MIB1: variants seen among roughly 807,000 people sequenced by gnomAD.
MIB1 encodes the protein E3 ubiquitin-protein ligase MIB1.
Under a neutral mutation model 124.5 loss-of-function variants are expected in MIB1, and 278 were observed. The ratio of observed to expected loss-of-function variants is 2.23; its 90% CI spans 2.02 to 2.47. The LOEUF (loss-of-function observed/expected upper bound fraction) is 2.47. Among genes scored for constraint, MIB1 ranks in the 30% most tolerant of loss-of-function variants. MIB1 has a pLI of 0.00. For synonymous variants in MIB1, 446 were observed against 429.4 expected, an observed-to-expected ratio of 1.04 and a Z score of -0.48; for missense variants, 957 against 1,254.4, an observed-to-expected ratio of 0.76 and a Z score of 3.58.
At chr18:21,859,886 CAAAAAA>C (rs934260189) in intron 20 of MIB1, among the ~76,000 whole-genome samples, 4,588 of 27,670 alleles carry the variant, frequency 0.17, 42 homozygotes, top group Middle Eastern at 0.39. Context: ...GAGACTGTCT[CAAAAAA>C]AAAAAAAAAA....
At chr18:21,725,354 G>A (rs1464964251) in intron 1 of MIB1, among the ~76,000 whole-genome samples, 2 of 152,120 alleles carry the variant, frequency 1.3e-5, no homozygotes, top group Non-Finnish European at 2.9e-5. Flanking sequence ...ATGTGAGACC[G>A]CCTGTGGAGT....
chr18:21,795,297 A>T (rs1413687855), intron 7 of MIB1, among the ~76,000 whole-genome samples: 1 of 132,220 alleles, frequency 7.6e-6, no homozygotes, highest in African/African-American at 3.4e-5. Context: ...GTATATATAT[A>T]ATATATAAAT....
At chr18:21,711,186 A>T (rs1345313668) in intron 1 of MIB1, among the ~76,000 whole-genome samples, 1 of 152,238 alleles carries the variant, frequency 6.6e-6, no homozygotes, top group Non-Finnish European at 1.5e-5. Flanking sequence ...TTATTAAATG[A>T]TAGAGAATAC....
At chr18:21,707,600 C>G (rs1049929789) in intron 1 of MIB1, among the ~76,000 whole-genome samples, 2 of 152,142 alleles carry the variant, frequency 1.3e-5, no homozygotes, top group African/African-American at 4.8e-5. Context: ...CACGAACCCA[C>G]CAGAAGGAAG....
chr18:21,730,564 T>C (rs2040764328), intron 1 of MIB1, among the ~76,000 whole-genome samples: 1 of 151,738 alleles, frequency 6.6e-6, no homozygotes, highest in Admixed American at 6.6e-5. Context: ...TAAGACTCTG[T>C]CTAAAAAAAA....
intron 13 of MIB1, among the ~76,000 whole-genome samples, chr18:21,842,091 CAAAAAAAA>C (rs376834305): frequency 1.7e-4 from 6 of 35,680 alleles, no homozygotes; most frequent in African/African-American, 8.7e-4. Context: ...GACCCTATCT[CAAAAAAAA>C]AAAAAAAAAA....
At chr18:21,835,904 T>C (rs542371362) in intron 12 of MIB1, among the ~76,000 whole-genome samples, 2 of 151,276 alleles carry the variant, frequency 1.3e-5, no homozygotes, top group African/African-American at 4.9e-5. Context: ...TGTTTGAGTA[T>C]ACATCTATAA....
intron 13 of MIB1, 104 bp downstream of exon 13, chr18:21,838,601 G>C (rs1477757497): frequency 2.3e-6 from 2 of 872,392 alleles, no homozygotes; most frequent in Non-Finnish European, 3.4e-6. Flanking sequence ...CTATTAGTAG[G>C]TTCCAGTAAA....
intron 8 of MIB1, among the ~76,000 whole-genome samples, chr18:21,798,750 G>A (rs2041615236): frequency 6.6e-6 from 1 of 152,062 alleles, no homozygotes; most frequent in Non-Finnish European, 1.5e-5. Context: ...GGATGCTTGA[G>A]TTGACTCTTT....
In MIB1 at chr18:21,741,718, C is replaced by T. The variant is rs780183297; in HGVS notation, c.135C>T (p.Pro45=). 2 of 1,611,546 alleles carry T rather than the reference C, an allele frequency of 1.2e-6. No individual in the cohort carries two copies. The highest frequency in any genetic ancestry group is 1.1e-5 in the South Asian group (1 of 90,716). The stretch of plus-strand genomic sequence containing the variant: ...GCACCGTCCGGAGCTTCGAGAGCCC[C>T]GAGGAGGTGGTGGTAGTGTGGGACA... The part of the protein sequence containing the change: ...HVGTVRSFES[P]EEVVVVWDNG... The change falls in exon 1 of 21, where the codon CCC becomes CCT. Residue 45 remains proline (P), a synonymous_variant. Coordinates refer to ENST00000261537, the MANE Select transcript of MIB1 (RefSeq NM_020774.4). The surrounding 1 kb of genome is among the most constrained non-coding windows in gnomAD (Gnocchi z 5.4).
chr18:21,803,290 G>A (rs1377727348), intron 9 of MIB1, among the ~76,000 whole-genome samples: 17 of 152,178 alleles, frequency 1.1e-4, no homozygotes, highest in Non-Finnish European at 7.3e-5. Flanking sequence ...TGGATGGGAT[G>A]TAAAAGGGGT....
chr18:21,766,936 A>G (rs1408118374), intron 2 of MIB1, among the ~76,000 whole-genome samples: 1 of 152,158 alleles, frequency 6.6e-6, no homozygotes, highest in Non-Finnish European at 1.5e-5. Flanking sequence ...AAACAAAACA[A>G]AAATCTCCAA....
chr18:21,706,714 G>A (rs1181779371), intron 1 of MIB1, among the ~76,000 whole-genome samples: 2 of 152,268 alleles, frequency 1.3e-5, no homozygotes, highest in African/African-American at 2.4e-5. Context: ...GCCCGCCAGC[G>A]CTGCACTGGA....
intron 1 of MIB1, among the ~76,000 whole-genome samples, chr18:21,728,690 A>T (rs890575798): frequency 2.0e-5 from 3 of 152,148 alleles, no homozygotes; most frequent in Non-Finnish European, 2.9e-5. Flanking sequence ...TAATAATTGT[A>T]CATATTTTGG....
intron 1 of MIB1, among the ~76,000 whole-genome samples, chr18:21,729,266 ATAGTCTGTTCG>A (rs938949147): frequency 6.6e-6 from 1 of 152,208 alleles, no homozygotes; most frequent in African/African-American, 2.4e-5. Context: ...AGATGGCGTC[ATAGTCTGTTCG>A]GGCTGCTATA....
At chr18:21,745,826 C>T (rs932551374) in intron 1 of MIB1, among the ~76,000 whole-genome samples, 1 of 152,116 alleles carries the variant, frequency 6.6e-6, no homozygotes, top group Non-Finnish European at 1.5e-5. Context: ...CCTGTCTCAT[C>T]CTCCTGAGTA....
intron 1 of MIB1, among the ~76,000 whole-genome samples, chr18:21,760,146 GA>G (rs1225886687): frequency 1.3e-5 from 2 of 151,252 alleles, no homozygotes; most frequent in Non-Finnish European, 3.0e-5. Context: ...CTATAGAAAG[GA>G]AAAAAAAGAA....
At chr18:21,769,714 A>G (rs1478422873) in intron 3 of MIB1, among the ~76,000 whole-genome samples, 1 of 152,166 alleles carries the variant, frequency 6.6e-6, no homozygotes, top group African/African-American at 2.4e-5. Context: ...ATAGTTAATT[A>G]TATGGTCAGA....
intron 10 of MIB1, among the ~76,000 whole-genome samples, chr18:21,810,509 T>C (rs1257090333): frequency 2.0e-5 from 3 of 151,922 alleles, no homozygotes; most frequent in Admixed American, 2.0e-4. Context: ...GCAACAGTAA[T>C]CAAGACAGTG....
Sources: allele counts gnomAD v4.1 joint callset (sites outside exome capture counted in the v4.1 genomes callset), GRCh38; gene constraint gnomAD v4.1.1; non-coding constraint Gnocchi (gnomAD v3.1); transcripts MANE v1.5; gene names NCBI Gene and HGNC (gene_info 2026-07-23, HGNC 2026-07-21).